The following RYR3 variants were observed in gnomAD, a reference collection of about 807,000 sequenced individuals.
The protein encoded by RYR3 is ryanodine receptor 3.
In RYR3, 207 loss-of-function variants were observed where a neutral mutation model predicts 584.3. That is an observed-to-expected ratio of 0.35 (90% CI 0.32 to 0.40). RYR3 has a LOEUF of 0.40. RYR3 is among the 10% of genes least tolerant of loss of function. The pLI is 1.00. For synonymous variants in RYR3, 2,416 were observed against 2,248.5 expected (o/e 1.07, Z -2.11); for missense variants, 5,616 against 6,089.2 (o/e 0.92, Z 2.59).
At chr15:33,708,394 A>C (rs576517394) in intron 43 of RYR3, among the ~76,000 whole-genome samples, 1 of 152,264 alleles carries the variant, frequency 6.6e-6, no homozygotes, top group South Asian at 2.1e-4. Context: ...GAGACCATCT[A>C]CCTGGATCGT....
chr15:33,374,364 A>ATGTGTG (rs138831585), intron 1 of RYR3, among the ~76,000 whole-genome samples: 119 of 145,020 alleles, frequency 8.2e-4, no homozygotes, highest in Middle Eastern at 3.5e-3. Context: ...GTACGAGTGT[A>ATGTGTG]TGTGTGTGTG....
At chr15:33,477,002 G>T (rs1408215761) in intron 2 of RYR3, among the ~76,000 whole-genome samples, 1 of 152,166 alleles carries the variant, frequency 6.6e-6, no homozygotes, top group Non-Finnish European at 1.5e-5. Flanking sequence ...TTACTAAATA[G>T]TTGCCCTAAT....
chr15:33,780,407 C>T lies in RYR3; in HGVS notation c.9268+66C>T, dbSNP rs1043193736. 101 of 1,536,106 alleles carry T rather than the reference C, an allele frequency of 6.6e-5. No homozygotes were observed. Among genetic ancestry groups the T allele is most frequent in the Non-Finnish European group, 8.1e-5 (91 of 1,121,660 alleles). Reference sequence around the variant, plus strand: ...GCTGAGAGGAGAGGAGCCACACAGGCAGGGAGCAGCAGCCCTGCAGCACTG... The same window carrying T: ...GCTGAGAGGAGAGGAGCCACACAGGTAGGGAGCAGCAGCCCTGCAGCACTG... On this transcript the variant is annotated intron_variant, in intron 65 of 103. Coordinates refer to ENST00000634891, the MANE Select transcript of RYR3 (RefSeq NM_001036.6).
intron 1 of RYR3, among the ~76,000 whole-genome samples, chr15:33,405,143 G>A (rs1479540539): frequency 1.3e-5 from 2 of 152,178 alleles, no homozygotes; most frequent in Non-Finnish European, 2.9e-5. Flanking sequence ...GGTAATTTTT[G>A]TCAAACATAT....
chr15:33,826,297 C>T (rs2152965034), intron 83 of RYR3, 28 bp downstream of exon 83: 2 of 1,611,314 alleles, frequency 1.2e-6, no homozygotes, highest in Non-Finnish European at 1.7e-6. Context: ...GCCTGAGTTC[C>T]TACCGTGTGT....
rs868231108 is a variant in RYR3, at chr15:33,493,464, G to T, written c.172-10167G>T. ...TAGTACCTGTGCTACTCATTAAGTG[G>T]TTGCTTATTTATGGCTGTATATTTT... On this transcript the variant is annotated intron_variant, in intron 2 of 103. Transcript: ENST00000634891. Among the ~76,000 whole-genome samples, 9 of 152,238 alleles carry T rather than the reference G, an allele frequency of 5.9e-5. No individual in the cohort carries two copies. In the South Asian group the frequency reaches 6.2e-4, roughly 11 times the overall value.
At chr15:33,437,318 C>T (rs954167047) in intron 1 of RYR3, among the ~76,000 whole-genome samples, 2 of 152,220 alleles carry the variant, frequency 1.3e-5, no homozygotes, top group Non-Finnish European at 2.9e-5. Context: ...TACATTACAT[C>T]ATTGCCATCC....
At chr15:33,713,510 T>C (rs950229775) in intron 43 of RYR3, among the ~76,000 whole-genome samples, 4 of 145,266 alleles carry the variant, frequency 2.8e-5, no homozygotes, top group African/African-American at 9.9e-5. Flanking sequence ...TGAGTGATGA[T>C]GGGGGTGGTG....
intron 43 of RYR3, among the ~76,000 whole-genome samples, chr15:33,713,678 C>G (rs1216563080): frequency 6.6e-6 from 1 of 152,162 alleles, no homozygotes; most frequent in African/African-American, 2.4e-5. Context: ...ATACCATAGA[C>G]AAGGTAGCTT....
intron 57 of RYR3, among the ~76,000 whole-genome samples, chr15:33,750,906 G>C (rs1288785636): frequency 6.6e-6 from 1 of 152,078 alleles, no homozygotes; most frequent in Non-Finnish European, 1.5e-5. Context: ...GGGGTGTGAT[G>C]TTCCCCGCCC....
In RYR3 at chr15:33,771,926, C is replaced by T. The variant is rs1450023843; in HGVS notation, c.8823C>T (p.Val2941=). The T allele has an allele frequency of 1.2e-6, 2 of 1,609,260 alleles. No individual in the cohort carries two copies. Among genetic ancestry groups the T allele is most frequent in the Non-Finnish European group, 1.7e-6 (2 of 1,177,228 alleles). ...GAACATTGTTTGCTTGCAGGACTGT[C>T]ATGAAGTCAGGCTCAGAGCTGGTGA... ...ILAQTLDTRT[V]MKSGSELVKA... is the part of the protein sequence containing the mutation. Residue 2941 remains valine, a synonymous_variant, in exon 63 of 104, where the codon GTC becomes GTT. Coordinates refer to ENST00000634891, the MANE Select transcript of RYR3 (RefSeq NM_001036.6).
In RYR3 at chr15:33,634,657, C is replaced by G. The variant is rs1235050327; in HGVS notation, c.3099C>G (p.Asn1033Lys). ...TGGATGAGCGTACCAAGAAGTCAAACAGGGACAGCCTGCGGGAAGCTGTGC... is the reference window on the plus strand; with the variant it reads ...TGGATGAGCGTACCAAGAAGTCAAAGAGGGACAGCCTGCGGGAAGCTGTGC... Reference protein sequence around the residue: ...ALLDERTKKSNRDSLREAVRT... With the variant: ...ALLDERTKKSKRDSLREAVRT... The change falls in exon 25 of 104, where the codon AAC (asparagine) becomes AAG (lysine). Residue 1033 changes from asparagine to lysine, a missense_variant. This residue lies in a region of RYR3 where 1,284 missense variants were observed against 1,344.6 expected (regional missense o/e 0.95). Coordinates refer to ENST00000634891, the MANE Select transcript of RYR3 (RefSeq NM_001036.6). 6.2e-7 allele frequency: 1 copy of G among 1,613,818 alleles called. No homozygotes were observed. Among genetic ancestry groups the G allele is most frequent in the Non-Finnish European group, 8.5e-7 (1 of 1,179,830 alleles).
intron 11 of RYR3, 83 bp downstream of exon 11, chr15:33,563,093 T>C: frequency 9.2e-7 from 1 of 1,082,784 alleles, no homozygotes; most frequent in Non-Finnish European, 1.3e-6. Flanking sequence ...GAGAACCAGG[T>C]GGACATGATT....
At chr15:33,710,394 A>T (rs1301635300) in intron 43 of RYR3, among the ~76,000 whole-genome samples, 1 of 136,330 alleles carries the variant, frequency 7.3e-6, no homozygotes, top group Non-Finnish European at 1.5e-5. Flanking sequence ...CCCAGGCTGG[A>T]GTGCAGTGGT....
chr15:33,788,501 G>A lies in RYR3; in HGVS notation c.9830+43G>A, dbSNP rs199563692. The A allele has an allele frequency of 1.7e-5, 27 of 1,598,488 alleles. 1 individual carries two copies. In the African/African-American group the frequency reaches 1.9e-4, roughly 11 times the overall value. ...AGGAGCCTGTCTGCCCCTCTGTGGG[G>A]CTAGTTTAGGCAACAGAATAAAATG... On this transcript the variant is annotated intron_variant, in intron 67 of 103. Coordinates refer to ENST00000634891, the MANE Select transcript of RYR3 (RefSeq NM_001036.6).
rs149664214 is a variant in RYR3 at position 33,542,229 on chromosome 15, C to T, written c.646+1339C>T. Among the ~76,000 whole-genome samples the T allele has an allele frequency of 3.3e-3, 498 of 152,124 alleles. 2 individuals are homozygous for T. The highest frequency in any genetic ancestry group is 0.011 in the African/African-American group (462 of 41,522). ...CATGATGCTGCTTTCCTGACTATGG[C>T]CCTGATAGATTTCAGTTAAGAAAAG... On this transcript the variant is annotated intron_variant, in intron 7 of 103. Coordinates refer to ENST00000634891, the MANE Select transcript of RYR3 (RefSeq NM_001036.6).
chr15:33,599,858 C>T (rs952645209), intron 16 of RYR3, among the ~76,000 whole-genome samples: 2 of 152,184 alleles, frequency 1.3e-5, no homozygotes, highest in Non-Finnish European at 2.9e-5. Flanking sequence ...ATAGATGATG[C>T]ACTGCTCTGT....
chr15:33,702,694 G>A (rs7166099), intron 42 of RYR3, among the ~76,000 whole-genome samples: 12,095 of 152,026 alleles, frequency 0.08, 1,110 homozygotes, highest in African/African-American at 0.23. Context: ...TGAAGCGCTG[G>A]GGGTACATGA....
intron 31 of RYR3, among the ~76,000 whole-genome samples, chr15:33,650,033 G>T (rs2062371580): frequency 6.6e-6 from 1 of 152,200 alleles, no homozygotes; most frequent in Non-Finnish European, 1.5e-5. Context: ...AAGACTAGTA[G>T]CCAGAGGTGA....
Sources: gnomAD v4.1 joint callset for allele counts (sites outside exome capture counted in the v4.1 genomes callset) on GRCh38, gnomAD v4.1.1 for gene constraint, gnomAD v4.1.1 regional missense constraint, MANE v1.5 for transcripts, NCBI Gene and HGNC (gene_info 2026-07-23, HGNC 2026-07-21) for gene names.